The following EVL variants were observed in gnomAD, a reference collection of about 807,000 sequenced individuals.
EVL encodes ena/VASP-like protein.
EVL carries 21 observed loss-of-function variants against 59.6 expected under a neutral mutation model. That is an observed-to-expected ratio of 0.35 (90% CI 0.25 to 0.51). The LOEUF (loss-of-function observed/expected upper bound fraction) is 0.51, where lower values mean the gene tolerates loss of function less well. Among genes scored for constraint, EVL ranks in the 20% least tolerant of loss-of-function variants. EVL has a pLI of 0.97. For missense variants in EVL, 462 were observed against 546.6 expected (o/e 0.85, Z 1.54); for synonymous variants, 198 against 203.5 (o/e 0.97, Z 0.23).
rs944604735 is a variant in EVL, at chr14:100,126,906, C to G, written c.487+135C>G. ...GAGCCTAGGTCTCAAAGTGCAACCA[C>G]CACTTCAGATGGTGAGGGTAGCAAG... On this transcript the variant is annotated intron_variant, in intron 5 of 13. Coordinates refer to ENST00000392920, the MANE Select transcript of EVL (RefSeq NM_016337.3). 120 of 742,862 alleles carry G rather than the reference C, an allele frequency of 1.6e-4. 2 individuals carry two copies. In the Admixed American group the frequency reaches 3.0e-3, roughly 18 times the overall value. The allele number at this position is 742,862 out of a possible 1,614,324, so 46.0% of individuals were successfully genotyped here.
chr14:100,079,523 A>G (rs1178684074), intron 1 of EVL, among the ~76,000 whole-genome samples: 1 of 152,188 alleles, frequency 6.6e-6, no homozygotes, highest in Non-Finnish European at 1.5e-5. Context: ...GCTCTGGCAG[A>G]GGGAGAAGCA....
chr14:100,126,851 C>A, intron 5 of EVL, 80 bp downstream of exon 5: 1 of 1,382,628 alleles, frequency 7.2e-7, no homozygotes, highest in Non-Finnish European at 1.0e-6. Flanking sequence ...GGCCCAGGGA[C>A]ACACGGGGCG....
chr14:100,014,644 A>G (rs1202103589), intron 1 of EVL, among the ~76,000 whole-genome samples: 1 of 152,236 alleles, frequency 6.6e-6, no homozygotes, highest in Non-Finnish European at 1.5e-5. Flanking sequence ...TGGGGTATAT[A>G]TCTAGCAGTG....
chr14:100,075,173 C>T (rs929486255), intron 1 of EVL, among the ~76,000 whole-genome samples: 5 of 152,216 alleles, frequency 3.3e-5, no homozygotes, highest in African/African-American at 9.6e-5. Flanking sequence ...TGCAGGGGCT[C>T]TTCTGAACTA....
Position 100,116,668 on chromosome 14 carries a change from C to T in EVL, c.359-6871C>T, listed in dbSNP as rs571327669. On this transcript the variant is annotated intron_variant, in intron 3 of 13. Coordinates refer to ENST00000392920, the MANE Select transcript of EVL (RefSeq NM_016337.3). The stretch of plus-strand genomic sequence containing the variant: ...CCTACCCCGCGCCCACCATACCTCG[C>T]GGAGGATGGATCGCAGAGCAGGGAT... 1.1e-4 allele frequency among the ~76,000 whole-genome samples: 16 copies of T among 152,088 alleles called. No individual in the cohort carries two copies. In the East Asian group the frequency reaches 2.3e-3, roughly 22 times the overall value.
At chr14:100,110,794 A>G (rs980521778) in intron 3 of EVL, among the ~76,000 whole-genome samples, 4 of 152,212 alleles carry the variant, frequency 2.6e-5, no homozygotes, top group African/African-American at 9.6e-5. Flanking sequence ...TCCTCCTTCC[A>G]CCAGTCCCAG....
chr14:99,982,229 G>C (rs552620966), intron 1 of EVL, among the ~76,000 whole-genome samples: 16 of 152,042 alleles, frequency 1.1e-4, no homozygotes, highest in African/African-American at 3.9e-4. Context: ...ATTTGTATTG[G>C]GCATTGTACA....
chr14:100,002,523 AACATTTATAC>A (rs576073648), intron 1 of EVL, among the ~76,000 whole-genome samples: 223 of 152,328 alleles, frequency 1.5e-3, no homozygotes, highest in Non-Finnish European at 2.7e-3. Flanking sequence ...ACATACCAAT[AACATTTATAC>A]AAATACAGCC....
Position 100,129,700 on chromosome 14 carries a change from T to C in EVL, c.839+16T>C. Reference sequence around the variant, plus strand: ...TGGCCAAGAGGTGGGTCTCTACACCTCCCGAGACTTGGTGTGCCTAGCAGG... The same window carrying C: ...TGGCCAAGAGGTGGGTCTCTACACCCCCCGAGACTTGGTGTGCCTAGCAGG... On this transcript the variant is annotated intron_variant, in intron 7 of 13. Coordinates refer to ENST00000392920, the MANE Select transcript of EVL (RefSeq NM_016337.3). The C allele has an allele frequency of 6.5e-7, 1 of 1,541,058 alleles. No individual in the cohort carries two copies. The highest frequency in any genetic ancestry group is 8.8e-7 in the Non-Finnish European group (1 of 1,140,102).
At position 100,042,241 on chromosome 14, in the gene EVL, C is replaced by T. The variant is rs549900918; in HGVS notation, c.6-42446C>T. On this transcript the variant is annotated intron_variant, in intron 1 of 13. Transcript: ENST00000402714. ...TTGGACCGGCCACATTTCAAGTGCT[C>T]GGTAGTCACACATGGCTTGAGGCTA... Among the ~76,000 whole-genome samples, 15 of 152,154 alleles carry T rather than the reference C, an allele frequency of 9.9e-5. No individual in the cohort carries two copies. In the East Asian group the frequency reaches 1.9e-3, roughly 20 times the overall value.
chr14:100,023,421 G>A (rs916403455), intron 1 of EVL, among the ~76,000 whole-genome samples: 1 of 138,206 alleles, frequency 7.2e-6, no homozygotes, highest in African/African-American at 2.7e-5. Context: ...CTCTTGTCTC[G>A]GGCTCCAGCA....
intron 1 of EVL, among the ~76,000 whole-genome samples, chr14:99,978,358 C>T (rs534716098): frequency 2.7e-4 from 40 of 146,674 alleles, no homozygotes; most frequent in African/African-American, 9.6e-4. Context: ...GCCGAGATCG[C>T]GCCACTGCAC....
intron 6 of EVL, among the ~76,000 whole-genome samples, 198 bp from the exon 7 acceptor site, chr14:100,129,365 G>T (rs1888286977): frequency 6.6e-6 from 1 of 151,942 alleles, no homozygotes; most frequent in African/African-American, 2.4e-5. Flanking sequence ...GACCTGGGCT[G>T]GTCCTTGTCC....
chr14:100,004,824 T>C (rs2060968184), intron 1 of EVL, among the ~76,000 whole-genome samples: 1 of 152,224 alleles, frequency 6.6e-6, no homozygotes, highest in African/African-American at 2.4e-5. Flanking sequence ...AAGCTTTGAA[T>C]TAGACAAAAA....
intron 11 of EVL, 198 bp downstream of exon 11, chr14:100,138,000 G>C (rs965840209): frequency 6.5e-6 from 4 of 614,282 alleles, no homozygotes; most frequent in Admixed American, 5.8e-5. Flanking sequence ...CTGAGAGAGA[G>C]ACCAAGGGCA....
chr14:100,024,861 C>A lies in EVL; in HGVS notation c.5+52804C>A, dbSNP rs572824406. On this transcript the variant is annotated intron_variant, in intron 1 of 13. Coordinates refer to the EVL transcript ENST00000402714. ...TTTCTTCAGTCTTCCGCAGCCCAGT[C>A]AGCGGCAGCTCCGCAACTCCTTCCT... Among the ~76,000 whole-genome samples the A allele has an allele frequency of 3.9e-5, 6 of 152,242 alleles. No homozygotes were observed. In the South Asian group the frequency reaches 1.2e-3, roughly 32 times the overall value.
intron 1 of EVL, among the ~76,000 whole-genome samples, chr14:100,070,266 CAAAAAG>C (rs2062022185): frequency 6.6e-6 from 1 of 151,954 alleles, no homozygotes; most frequent in African/African-American, 2.4e-5. Flanking sequence ...GACCCTACCT[CAAAAAG>C]AAAAGAAAAC....
At chr14:100,135,989 G>C in intron 9 of EVL, 21 bp downstream of exon 9, 1 of 1,613,000 alleles carries the variant, frequency 6.2e-7, no homozygotes, top group Non-Finnish European at 8.5e-7. Flanking sequence ...GCCCCCCGCT[G>C]ACCCCAGTGA....
intron 8 of EVL, 163 bp from the exon 9 acceptor site, chr14:100,135,742 T>G: frequency 3.1e-6 from 2 of 638,244 alleles, no homozygotes; most frequent in Non-Finnish European, 2.7e-6. Flanking sequence ...CCCACTGAGA[T>G]TTTGCGTTTT....
Sources: allele counts gnomAD v4.1 joint callset (sites outside exome capture counted in the v4.1 genomes callset), GRCh38; gene constraint gnomAD v4.1.1; transcripts MANE v1.5; gene names NCBI Gene and HGNC (gene_info 2026-07-23, HGNC 2026-07-21).